The following ZBBX variants were observed in gnomAD, a reference collection of about 807,000 sequenced individuals.
The protein encoded by ZBBX is zinc finger B-box domain containing.
A neutral mutation model predicts 108.5 loss-of-function variants in ZBBX; 101 were observed. That is an observed-to-expected ratio of 0.93 (90% CI 0.79 to 1.10). The LOEUF (loss-of-function observed/expected upper bound fraction) is 1.10. Ranked by LOEUF, ZBBX falls within the 50% of genes least tolerant of loss-of-function variation. The pLI, the probability that ZBBX is intolerant of heterozygous loss-of-function variation, is 0.00. For synonymous variants in ZBBX, 356 were observed against 323.4 expected, an observed-to-expected ratio of 1.10 and a Z score of -1.08; for missense variants, 1,009 against 941.4, an observed-to-expected ratio of 1.07 and a Z score of -0.94.
Position 167,240,902 on chromosome 3 carries a change from G to T in ZBBX, c.2411C>A (p.Thr804Asn), listed in dbSNP as rs780391763. Reference sequence around the variant, plus strand: ...AAGTGACAGCAAAGACTGAATTTTGGTATCTCTTCCAGAACAGCTGAAAAT... The same window carrying T: ...AAGTGACAGCAAAGACTGAATTTTGTTATCTCTTCCAGAACAGCTGAAAAT... The part of the protein sequence containing the change: ...VEELSCSGRD[T>N]KIQSLLSLSE... The change falls in exon 22 of 22, where the codon ACC becomes AAC. Residue 804 changes from threonine (T) to asparagine (N), a missense_variant. Thr to Asn is a moderately conservative substitution (Grantham distance 65). Coordinates refer to ENST00000675490, the MANE Select transcript of ZBBX (RefSeq NM_001199201.2). The T allele has an allele frequency of 6.2e-7, 1 of 1,613,070 alleles. No homozygotes were observed. Among genetic ancestry groups the T allele is most frequent in the South Asian group, 1.1e-5 (1 of 91,056 alleles).
chr3:167,207,793 C>A, the ZBBX span, among the ~76,000 whole-genome samples: 3 of 152,220 alleles, frequency 2.0e-5, no homozygotes, highest in East Asian at 5.8e-4. Context: ...CAGTCACCCT[C>A]CCCACAGAAC....
At chr3:167,281,365 G>A (rs1248663736) in intron 20 of ZBBX, among the ~76,000 whole-genome samples, 1 of 151,904 alleles carries the variant, frequency 6.6e-6, no homozygotes, top group African/African-American at 2.4e-5. Flanking sequence ...TTGTAATTTT[G>A]TATTGCTTTA....
rs1418970835 is a variant in ZBBX, at chr3:167,338,799, CACAG to C, written c.529-4818_529-4815del. On this transcript the variant is annotated intron_variant, in intron 9 of 21. Transcript: ENST00000675490. The stretch of plus-strand genomic sequence containing the variant: ...AGAGAGAGAGATACACACATATACA[CACAG>C]AGAGAAAAAATTGTGTTATAGCAGA... Among the ~76,000 whole-genome samples the C allele has an allele frequency of 3.9e-5, 6 of 152,148 alleles. No homozygotes were observed. In the South Asian group the frequency reaches 1.2e-3, roughly 32 times the overall value.
At chr3:167,236,037 G>A (rs1483884724), downstream of ZBBX, among the ~76,000 whole-genome samples, 1 of 151,648 alleles carries the variant, frequency 6.6e-6, no homozygotes, top group Non-Finnish European at 1.5e-5. Flanking sequence ...ATTTTAGGAG[G>A]CATAAATAGT....
intron 19 of ZBBX, 146 bp downstream of exon 19, chr3:167,288,721 G>A (rs1576900841): frequency 2.3e-6 from 1 of 434,530 alleles, no homozygotes; most frequent in Non-Finnish European, 4.1e-6. Flanking sequence ...TGGAAGAAAA[G>A]TCGAGGACAT....
At chr3:167,342,116 G>C (rs111553346) in intron 9 of ZBBX, among the ~76,000 whole-genome samples, 1 of 151,682 alleles carries the variant, frequency 6.6e-6, no homozygotes. Context: ...TCAATAATTT[G>C]TTACATTTGG....
intron 9 of ZBBX, among the ~76,000 whole-genome samples, chr3:167,349,579 A>G (rs1742287380): frequency 6.6e-6 from 1 of 152,030 alleles, no homozygotes; most frequent in Admixed American, 6.6e-5. Context: ...ATGTTCAGGT[A>G]AACGCAAAGA....
chr3:167,301,497 G>A (rs1732660788), intron 17 of ZBBX, among the ~76,000 whole-genome samples: 1 of 152,090 alleles, frequency 6.6e-6, no homozygotes, highest in African/African-American at 2.4e-5. Flanking sequence ...TATTACTTTT[G>A]AGTCAGATTC....
chr3:167,340,512 T>C (rs1235851565), intron 9 of ZBBX, among the ~76,000 whole-genome samples: 2 of 152,080 alleles, frequency 1.3e-5, no homozygotes, highest in Non-Finnish European at 2.9e-5. Flanking sequence ...TATTAAAATA[T>C]GTTTTATATT....
At chr3:167,241,051 G>T in intron 21 of ZBBX, 132 bp from the exon 22 acceptor site, 1 of 935,176 alleles carries the variant, frequency 1.1e-6, no homozygotes, top group Non-Finnish European at 1.5e-6. Flanking sequence ...TATCAGACTG[G>T]GGCCATAATT....
At chr3:167,309,969 T>C (rs969409132) in intron 16 of ZBBX, among the ~76,000 whole-genome samples, 2 of 152,210 alleles carry the variant, frequency 1.3e-5, no homozygotes, top group Non-Finnish European at 2.9e-5. Flanking sequence ...ATACCATTTC[T>C]TTGTGAATGC....
chr3:167,251,959 C>CACACACACACACA lies in ZBBX; in HGVS notation c.2255-9317_2255-9316insTGTGTGTGTGTGT, dbSNP rs374736828. ...ACACACACACACACACACACACACA[C>CACACACACACACA]ATCTGTCCATGCTAGGTACTTCTAG... is the stretch of plus-strand genomic sequence containing the variant. On this transcript the variant is annotated intron_variant, in intron 20 of 21. Transcript: ENST00000675490. 4.5e-3 allele frequency among the ~76,000 whole-genome samples: 683 copies of CACACACACACACA among 151,428 alleles called. 4 individuals carry two copies. The highest frequency in any genetic ancestry group is 0.016 in the African/African-American group (664 of 41,250).
intron 19 of ZBBX, among the ~76,000 whole-genome samples, chr3:167,284,502 C>G (rs1026335384): frequency 1.8e-4 from 27 of 151,836 alleles, no homozygotes; most frequent in African/African-American, 6.5e-4. Flanking sequence ...AAAAACAAAC[C>G]AAACGAAAAT....
Position 167,298,475 on chromosome 3 carries a change from T to G in ZBBX, c.1726-17A>C. On this transcript the variant is annotated splice_polypyrimidine_tract_variant and intron_variant, in intron 17 of 21. Transcript: ENST00000675490. Reference sequence around the variant, plus strand: ...TTGTAACAACTAAGAAACAAAATATTCAACAATATTATTTTCTAACTCATT... The same window carrying G: ...TTGTAACAACTAAGAAACAAAATATGCAACAATATTATTTTCTAACTCATT... 6.9e-7 allele frequency: 1 copy of G among 1,447,390 alleles called. No homozygotes were observed. The highest frequency in any genetic ancestry group is 1.5e-5 in the South Asian group (1 of 65,054). 89.7% of individuals were successfully genotyped at this position (1,447,390 alleles called of 1,614,324 possible).
At chr3:167,304,343 G>A (rs780933635) in intron 17 of ZBBX, among the ~76,000 whole-genome samples, 2 of 152,052 alleles carry the variant, frequency 1.3e-5, no homozygotes, top group Non-Finnish European at 2.9e-5. Context: ...GATGTCACCT[G>A]GTACTCTTCA....
At chr3:167,266,497 A>T (rs772934258) in intron 20 of ZBBX, among the ~76,000 whole-genome samples, 50 of 152,098 alleles carry the variant, frequency 3.3e-4, no homozygotes, top group Non-Finnish European at 7.2e-4. Flanking sequence ...TTTTCCCTTG[A>T]AACTGCACGT....
intron 2 of ZBBX, among the ~76,000 whole-genome samples, chr3:167,374,915 G>C (rs1746709188): frequency 6.6e-6 from 1 of 152,146 alleles, no homozygotes; most frequent in Non-Finnish European, 1.5e-5. Context: ...TTGGATAAGG[G>C]ACTAATGAAT....
At chr3:167,316,898 T>C in intron 14 of ZBBX, 107 bp downstream of exon 14, 1 of 585,352 alleles carries the variant, frequency 1.7e-6, no homozygotes. Context: ...TATTAAACTA[T>C]GTTAGTTATT....
the ZBBX span, among the ~76,000 whole-genome samples, chr3:167,213,220 C>T: frequency 1.3e-5 from 2 of 152,006 alleles, no homozygotes; most frequent in African/African-American, 4.8e-5. Context: ...AAATAGAATT[C>T]AGAATATGGA....
Sources: gnomAD v4.1 joint callset for allele counts (sites outside exome capture counted in the v4.1 genomes callset) on GRCh38, gnomAD v4.1.1 for gene constraint, MANE v1.5 for transcripts, NCBI Gene and HGNC (gene_info 2026-07-23, HGNC 2026-07-21) for gene names.